Variants in R3HDM2 observed in about 807,000 individuals in gnomAD.
R3HDM2 encodes the protein R3H domain containing 2, also known as R3H domain-containing protein 2.
Under a neutral mutation model 124.5 loss-of-function variants are expected in R3HDM2, and 38 were observed. The observed-to-expected ratio is 0.31, with a 90% CI of 0.24 to 0.40. The LOEUF (loss-of-function observed/expected upper bound fraction) is 0.40. Ranked by LOEUF, R3HDM2 falls within the 10% of genes least tolerant of loss-of-function variation. The pLI is 1.00. For missense variants in R3HDM2, 869 were observed against 1,236.9 expected, an observed-to-expected ratio of 0.70 and a Z score of 4.46; for synonymous variants, 391 against 448.0, an observed-to-expected ratio of 0.87 and a Z score of 1.61.
intron 2 of R3HDM2, among the ~76,000 whole-genome samples, chr12:57,369,222 C>A (rs958394053): frequency 6.6e-6 from 1 of 152,058 alleles, no homozygotes; most frequent in Non-Finnish European, 1.5e-5. Context: ...AGGTGAAGGA[C>A]CCTAGTTCTG....
intron 3 of R3HDM2, among the ~76,000 whole-genome samples, chr12:57,308,427 G>A (rs1247594998): frequency 6.8e-6 from 1 of 147,178 alleles, no homozygotes; most frequent in Non-Finnish European, 1.5e-5. Flanking sequence ...GGTGCTGCCT[G>A]CAATCCCAAC....
At position 57,269,994 on chromosome 12, in the gene R3HDM2, C is replaced by T. The variant is rs778634125; in HGVS notation, c.1345G>A (p.Ala449Thr). 6.2e-6 allele frequency: 10 copies of T among 1,614,156 alleles called. No homozygotes were observed. In the South Asian group the frequency reaches 8.8e-5, roughly 14 times the overall value. The change falls in exon 15 of 24, where the codon GCA becomes ACA. Residue 449 changes from alanine (A) to threonine (T), a missense_variant and splice_region_variant. Around this residue, in one of 2 missense-constraint regions of R3HDM2, gnomAD observed 602 missense variants for 789.2 expected, o/e 0.76. Transcript: ENST00000402412. ...CCAAAGGGGTTGCTGAGGTCATCTG[C>T]CTGTTGAGAGAGTATAAGACACAGG... is the stretch of plus-strand genomic sequence containing the variant. Reference protein sequence around the residue: ...PPLNNHMISQADDLSNPFGQM... With the variant: ...PPLNNHMISQTDDLSNPFGQM...
At chr12:57,413,625 A>G (rs1234027078) in intron 1 of R3HDM2, among the ~76,000 whole-genome samples, 2 of 151,406 alleles carry the variant, frequency 1.3e-5, no homozygotes, top group Non-Finnish European at 2.9e-5. Context: ...AATCCCAGCT[A>G]CTCAGGAGGC....
At chr12:57,353,674 G>A (rs973336875) in intron 2 of R3HDM2, among the ~76,000 whole-genome samples, 13 of 151,592 alleles carry the variant, frequency 8.6e-5, no homozygotes, top group African/African-American at 2.7e-4. Flanking sequence ...TCACCCTCCC[G>A]AATAGCTAGG....
chr12:57,347,027 C>A (rs975256143), intron 2 of R3HDM2, among the ~76,000 whole-genome samples: 1 of 151,950 alleles, frequency 6.6e-6, no homozygotes, highest in Non-Finnish European at 1.5e-5. Context: ...GGAGGGTCAC[C>A]TGAGGCCAGG....
chr12:57,414,652 A>G (rs1594605597), intron 1 of R3HDM2, among the ~76,000 whole-genome samples: 1 of 151,838 alleles, frequency 6.6e-6, no homozygotes, highest in East Asian at 1.9e-4. Context: ...CCTGGCCAAC[A>G]TGGCAAAACC....
intron 19 of R3HDM2, among the ~76,000 whole-genome samples, chr12:57,260,256 C>G (rs1378115904): frequency 4.6e-5 from 1 of 21,846 alleles, no homozygotes. Context: ...AGAATGAGAC[C>G]CTGCCTCAAA....
At chr12:57,430,109 A>G (rs923872744) in intron 1 of R3HDM2, among the ~76,000 whole-genome samples, 1 of 152,164 alleles carries the variant, frequency 6.6e-6, no homozygotes, top group Non-Finnish European at 1.5e-5. Flanking sequence ...TCATTATCCA[A>G]TGACAATTCA....
intron 1 of R3HDM2, chr12:57,430,444 G>A (rs1048745718): frequency 1.3e-5 from 12 of 891,926 alleles, no homozygotes; most frequent in Non-Finnish European, 1.6e-5. Context: ...GGGCGCAATA[G>A]TTTTTAGGTC....
chr12:57,351,820 GA>G (rs550743838), intron 2 of R3HDM2, among the ~76,000 whole-genome samples: 2 of 152,016 alleles, frequency 1.3e-5, no homozygotes, highest in East Asian at 1.9e-4. Context: ...GAGTTTATAT[GA>G]AAAAAAGTCA....
At chr12:57,339,242 C>T (rs1430640195) in intron 2 of R3HDM2, among the ~76,000 whole-genome samples, 1 of 151,924 alleles carries the variant, frequency 6.6e-6, no homozygotes, top group Non-Finnish European at 1.5e-5. Flanking sequence ...AGTGATCCAT[C>T]CGCCTCAGCC....
chr12:57,283,883 G>A lies in R3HDM2; in HGVS notation c.1112C>T (p.Thr371Ile), dbSNP rs2046754614. The change falls in exon 13 of 24, where the codon ACC (threonine) becomes ATC (isoleucine). Residue 371 changes from threonine (T) to isoleucine (I), a missense_variant. Around this residue, in one of 2 missense-constraint regions of R3HDM2, gnomAD observed 602 missense variants for 789.2 expected, o/e 0.76. Coordinates refer to ENST00000402412, the MANE Select transcript of R3HDM2 (RefSeq NM_001394031.1). The part of the protein sequence containing the change: ...ASSFSGISIL[T>I]RGDSIGSSKG... ...ACTGCTGCCGATGCTGTCACCTCGG[G>A]TAAGGATAGAGATTCCACTGAAGCT... The A allele has an allele frequency of 1.2e-6, 2 of 1,614,072 alleles. No homozygotes were observed. The highest frequency in any genetic ancestry group is 1.7e-6 in the Non-Finnish European group (2 of 1,180,030).
At chr12:57,400,863 C>T (rs2067985509) in intron 1 of R3HDM2, among the ~76,000 whole-genome samples, 1 of 152,094 alleles carries the variant, frequency 6.6e-6, no homozygotes, top group Admixed American at 6.6e-5. Context: ...GAAACAATAG[C>T]TTTTCAGCAT....
At position 57,310,393 on chromosome 12, in the gene R3HDM2, T is replaced by C. The variant is rs1305441821; in HGVS notation, c.36A>G (p.Glu12=). The change falls in exon 3 of 24, where the codon GAA becomes GAG. Residue 12 remains glutamate, a synonymous_variant. Transcript: ENST00000402412. ...SNSNTTQETL[E]IMKESEKKLV... ...GTTTTTTTTCTGATTCTTTCATTAT[T>C]TCCAGGGTCTCTTGAGTAGTGTTAC... 2.6e-6 allele frequency: 4 copies of C among 1,548,628 alleles called. No individual in the cohort carries two copies. Among genetic ancestry groups the C allele is most frequent in the Non-Finnish European group, 3.5e-6 (4 of 1,145,452 alleles).
intron 2 of R3HDM2, among the ~76,000 whole-genome samples, chr12:57,393,351 G>C (rs978195181): frequency 1.3e-5 from 2 of 152,108 alleles, no homozygotes; most frequent in African/African-American, 2.4e-5. Context: ...TAATCCACCT[G>C]CCTTGGCCTC....
At chr12:57,430,485 C>T in intron 1 of R3HDM2, 1 of 885,402 alleles carries the variant, frequency 1.1e-6, no homozygotes, top group Non-Finnish European at 1.4e-6. Flanking sequence ...GGCGCCACCC[C>T]CCTGCCCCCG....
At chr12:57,392,600 T>C (rs1450356991) in intron 2 of R3HDM2, among the ~76,000 whole-genome samples, 1 of 152,098 alleles carries the variant, frequency 6.6e-6, no homozygotes, top group Non-Finnish European at 1.5e-5. Context: ...TTCTCTCTCT[T>C]TTTTATTTTT....
chr12:57,300,288 G>T, intron 4 of R3HDM2, 107 bp from the exon 5 acceptor site: 2 of 939,512 alleles, frequency 2.1e-6, no homozygotes, highest in Non-Finnish European at 3.2e-6. Context: ...TGTCCTCTTT[G>T]GCTCTGTTAG....
intron 1 of R3HDM2, among the ~76,000 whole-genome samples, chr12:57,402,663 G>A (rs1352368443): frequency 6.6e-6 from 1 of 151,866 alleles, no homozygotes; most frequent in Non-Finnish European, 1.5e-5. Flanking sequence ...TCAGCTACTC[G>A]GGAGGCTGAG....
Sources: allele counts gnomAD v4.1 joint callset (sites outside exome capture counted in the v4.1 genomes callset), GRCh38; gene constraint gnomAD v4.1.1; regional missense constraint gnomAD v4.1.1; transcripts MANE v1.5; gene names NCBI Gene and HGNC (gene_info 2026-07-23, HGNC 2026-07-21).